Variants in ARL15 observed in about 807,000 individuals in gnomAD.
ARL15 encodes ARF like GTPase 15, also known as ADP-ribosylation factor-like protein 15.
Under a neutral mutation model 25.2 loss-of-function variants are expected in ARL15, and 19 were observed. That is an observed-to-expected ratio of 0.75 (90% CI 0.53 to 1.10). The LOEUF is 1.10. ARL15 is among the 50% of genes least tolerant of loss of function. ARL15 has a pLI of 0.00. For missense variants in ARL15, 220 were observed against 246.0 expected (o/e 0.89, Z 0.71); for synonymous variants, 94 against 86.8 (o/e 1.08, Z -0.46).
At chr5:54,141,057 A>G (rs1010179806) in intron 3 of ARL15, among the ~76,000 whole-genome samples, 2 of 152,202 alleles carry the variant, frequency 1.3e-5, no homozygotes, top group Non-Finnish European at 2.9e-5. Flanking sequence ...AGAAAATGTT[A>G]TATCACTATG....
chr5:54,045,038 C>T (rs921628227), intron 4 of ARL15, among the ~76,000 whole-genome samples: 1 of 152,160 alleles, frequency 6.6e-6, no homozygotes, highest in Non-Finnish European at 1.5e-5. Flanking sequence ...TACTTCTTAG[C>T]TCAAGGATTT....
At chr5:54,221,826 C>T (rs895690051) in intron 1 of ARL15, among the ~76,000 whole-genome samples, 7 of 4,020 alleles carry the variant, frequency 1.7e-3, no homozygotes, top group South Asian at 0.016. Context: ...AAGAAACATG[C>T]ACACACACAC....
At chr5:54,050,523 T>G (rs1750674951) in intron 4 of ARL15, among the ~76,000 whole-genome samples, 1 of 152,202 alleles carries the variant, frequency 6.6e-6, no homozygotes, top group African/African-American at 2.4e-5. Context: ...TGTTTGACTT[T>G]CTCTTCAGAT....
chr5:53,936,107 T>A (rs1746342138), intron 4 of ARL15, among the ~76,000 whole-genome samples: 1 of 152,182 alleles, frequency 6.6e-6, no homozygotes, highest in Non-Finnish European at 1.5e-5. Flanking sequence ...TGAAATCATT[T>A]ATGAAAGACT....
At chr5:54,211,167 T>C (rs1379202929) in intron 1 of ARL15, among the ~76,000 whole-genome samples, 1 of 152,190 alleles carries the variant, frequency 6.6e-6, no homozygotes, top group African/African-American at 2.4e-5. Context: ...AGTGGTTTGT[T>C]TGGTATGCAC....
intron 1 of ARL15, 93 bp downstream of exon 1, chr5:54,310,339 A>C: frequency 8.4e-6 from 12 of 1,423,720 alleles, no homozygotes; most frequent in Non-Finnish European, 1.1e-5. Context: ...CCTATCCCAA[A>C]GAAAGAAAGC....
intron 1 of ARL15, among the ~76,000 whole-genome samples, chr5:54,195,166 T>A (rs1755516178): frequency 6.6e-6 from 1 of 152,172 alleles, no homozygotes; most frequent in Non-Finnish European, 1.5e-5. Flanking sequence ...ACTTAGTTAA[T>A]GTTGCTAATG....
chr5:54,154,113 G>A (rs553033107), intron 3 of ARL15, among the ~76,000 whole-genome samples: 3 of 152,066 alleles, frequency 2.0e-5, no homozygotes, highest in Non-Finnish European at 4.4e-5. Context: ...CAGCCTATCC[G>A]ATAAATGTGC....
At chr5:53,919,726 C>A (rs1745783893) in intron 4 of ARL15, among the ~76,000 whole-genome samples, 1 of 152,156 alleles carries the variant, frequency 6.6e-6, no homozygotes, top group Non-Finnish European at 1.5e-5. Context: ...CTTTATTGAG[C>A]ACCTACTATT....
chr5:54,287,742 A>G (rs1320678314), intron 1 of ARL15, among the ~76,000 whole-genome samples: 3 of 152,176 alleles, frequency 2.0e-5, no homozygotes, highest in Non-Finnish European at 4.4e-5. Flanking sequence ...TCAGGGACTT[A>G]GCATGGTCAC....
chr5:54,132,210 C>T (rs1426571556), intron 3 of ARL15, among the ~76,000 whole-genome samples: 1 of 151,946 alleles, frequency 6.6e-6, no homozygotes, highest in Non-Finnish European at 1.5e-5. Flanking sequence ...AACACATACG[C>T]ATGCAGGCAC....
chr5:53,951,649 A>C, intron 4 of ARL15: 1 of 411,210 alleles, frequency 2.4e-6, no homozygotes, highest in Admixed American at 3.9e-5. Context: ...TTCCCTATAT[A>C]TTTTCGATAT....
intron 1 of ARL15, among the ~76,000 whole-genome samples, chr5:54,191,939 G>A (rs916637359): frequency 6.6e-6 from 1 of 152,030 alleles, no homozygotes; most frequent in African/African-American, 2.4e-5. Context: ...AGACTAAAAG[G>A]TCCTATAAAA....
At chr5:54,064,507 A>T (rs1443808609) in intron 4 of ARL15, among the ~76,000 whole-genome samples, 1 of 152,212 alleles carries the variant, frequency 6.6e-6, no homozygotes, top group African/African-American at 2.4e-5. Context: ...TTGTGCTTAG[A>T]GAAATGAGGA....
At chr5:54,125,265 C>T (rs984210990) in intron 3 of ARL15, among the ~76,000 whole-genome samples, 1 of 152,054 alleles carries the variant, frequency 6.6e-6, no homozygotes, top group East Asian at 1.9e-4. Context: ...AACTCCTGAC[C>T]TCAGGTGATC....
chr5:54,020,682 C>T (rs1749569127), intron 4 of ARL15, among the ~76,000 whole-genome samples: 1 of 151,986 alleles, frequency 6.6e-6, no homozygotes, highest in Non-Finnish European at 1.5e-5. Context: ...AGCAGGGCTT[C>T]GTGGCTCACT....
intron 3 of ARL15, among the ~76,000 whole-genome samples, chr5:54,129,596 T>C (rs970470093): frequency 6.6e-5 from 10 of 152,184 alleles, no homozygotes; most frequent in African/African-American, 1.2e-4. Flanking sequence ...TAGCATGCAA[T>C]AGCCACCCAC....
chr5:53,966,997 A>C (rs760152721), intron 4 of ARL15, among the ~76,000 whole-genome samples: 1 of 152,226 alleles, frequency 6.6e-6, no homozygotes, highest in Non-Finnish European at 1.5e-5. Flanking sequence ...TAATAATGTC[A>C]TGAAAAAATG....
intron 4 of ARL15, among the ~76,000 whole-genome samples, chr5:53,985,777 G>T (rs1280056032): frequency 1.3e-5 from 2 of 152,118 alleles, no homozygotes; most frequent in African/African-American, 4.8e-5. Flanking sequence ...ACAAACATGG[G>T]TATACAACAG....
Sources: allele counts gnomAD v4.1 joint callset (sites outside exome capture counted in the v4.1 genomes callset), GRCh38; gene constraint gnomAD v4.1.1; transcripts MANE v1.5; gene names NCBI Gene and HGNC (gene_info 2026-07-23, HGNC 2026-07-21).